PCDHGB5: variants seen among roughly 807,000 people sequenced by gnomAD.
The protein encoded by PCDHGB5 is protocadherin gamma-B5.
In PCDHGB5, 48 loss-of-function variants were observed where a neutral mutation model predicts 62.9. That is an observed-to-expected ratio of 0.76 (90% CI 0.61 to 0.97). The LOEUF is 0.97. Ranked by LOEUF, PCDHGB5 falls within the 50% of genes least tolerant of loss-of-function variation. PCDHGB5 has a pLI of 0.00. For synonymous variants in PCDHGB5, 474 were observed against 511.2 expected, an observed-to-expected ratio of 0.93 and a Z score of 0.98; for missense variants, 1,118 against 1,198.6, an observed-to-expected ratio of 0.93 and a Z score of 0.99.
intron 1 of PCDHGB5, chr5:141,405,552 G>A (rs2094685427): frequency 1.6e-6 from 1 of 623,718 alleles, no homozygotes. Context: ...CCCAAGTAGA[G>A]TAGCTGGGAC....
At chr5:141,427,570 C>A in intron 1 of PCDHGB5, 1 of 662,270 alleles carries the variant, frequency 1.5e-6, no homozygotes, top group Non-Finnish European at 2.8e-6. Flanking sequence ...GGCAAGCCTC[C>A]GCTCTCATCC....
chr5:141,478,246 C>T (rs1305046488), intron 1 of PCDHGB5: 1 of 1,614,100 alleles, frequency 6.2e-7, no homozygotes, highest in Admixed American at 1.7e-5. Context: ...TCACAGTGTT[C>T]GGAGTAATCA....
intron 1 of PCDHGB5, chr5:141,423,967 A>T (rs760284844): frequency 5.2e-6 from 6 of 1,153,616 alleles, no homozygotes; most frequent in Non-Finnish European, 6.5e-6. Context: ...TTTTTCTATT[A>T]TCAGTGTATG....
intron 1 of PCDHGB5, chr5:141,414,817 A>C: frequency 6.2e-7 from 1 of 1,614,214 alleles, no homozygotes; most frequent in Non-Finnish European, 8.5e-7. Context: ...TCCACTCAGC[A>C]GCAACGTGTC....
In PCDHGB5 at chr5:141,398,328, C is replaced by G; in HGVS notation, c.201C>G (p.Arg67=). Residue 67 remains arginine, a synonymous_variant, in exon 1 of 4, where the codon CGC becomes CGG. Coordinates refer to ENST00000617380, the MANE Select transcript of PCDHGB5 (RefSeq NM_018925.3). The stretch of plus-strand genomic sequence containing the variant: ...AGGAGTTACCGACTCGAAAACTGCG[C>G]GTCAGTTCGGAGAAGCCTTACTTCA... The part of the protein sequence containing the change: ...SVQELPTRKL[R]VSSEKPYFTV... The G allele has an allele frequency of 5.2e-6, 7 of 1,353,010 alleles. No homozygotes were observed. Among genetic ancestry groups the G allele is most frequent in the Non-Finnish European group, 7.2e-6 (7 of 976,914 alleles). The allele number at this position is 1,353,010 out of a possible 1,614,324, so 83.8% of individuals were successfully genotyped here.
rs1032814206 is a variant in PCDHGB5, at chr5:141,472,764, T to A, written c.2398-22043T>A. Among the ~76,000 whole-genome samples, 12 of 152,040 alleles carry A rather than the reference T, an allele frequency of 7.9e-5. No individual in the cohort carries two copies. The East Asian group carries it at 2.1e-3, about 27-fold the overall frequency. ...ACTTTGGGAGGCGGAGGCTGGCAGATCACCTGAGGTTGGGAGTTCAAGATC... is the reference window on the plus strand; with the variant it reads ...ACTTTGGGAGGCGGAGGCTGGCAGAACACCTGAGGTTGGGAGTTCAAGATC... On this transcript the variant is annotated intron_variant, in intron 1 of 3. Coordinates refer to ENST00000617380, the MANE Select transcript of PCDHGB5 (RefSeq NM_018925.3).
intron 1 of PCDHGB5, among the ~76,000 whole-genome samples, chr5:141,474,062 C>G (rs745636246): frequency 6.6e-6 from 1 of 152,104 alleles, no homozygotes; most frequent in Non-Finnish European, 1.5e-5. Flanking sequence ...AGAGCGAGAT[C>G]CTGCCTCAGA....
At chr5:141,494,445 A>G (rs1424475551) in intron 1 of PCDHGB5, among the ~76,000 whole-genome samples, 1 of 152,158 alleles carries the variant, frequency 6.6e-6, no homozygotes, top group East Asian at 1.9e-4. Flanking sequence ...TTGCCACTTT[A>G]GGGGGCTTTG....
intron 1 of PCDHGB5, chr5:141,440,652 C>T (rs755275974): frequency 6.6e-6 from 1 of 152,160 alleles, no homozygotes; most frequent in Non-Finnish European, 1.5e-5. Flanking sequence ...AAAATTATCA[C>T]CTTAGCAGCA....
chr5:141,469,511 G>A (rs2099203340), intron 1 of PCDHGB5, among the ~76,000 whole-genome samples: 1 of 152,038 alleles, frequency 6.6e-6, no homozygotes, highest in African/African-American at 2.4e-5. Flanking sequence ...GGAGGTGGAG[G>A]TTGCAGTGAG....
Position 141,423,433 on chromosome 5 carries a change from A to G in PCDHGB5, c.2397+22909A>G, listed in dbSNP as rs746170494. ...GGCTTCTGAAGGCGGGTTGGCAGGT[A>G]TGCCCACGTCACATTTTGTAGGCGT... On this transcript the variant is annotated intron_variant, in intron 1 of 3. Coordinates refer to ENST00000617380, the MANE Select transcript of PCDHGB5 (RefSeq NM_018925.3). 3.1e-6 allele frequency: 5 copies of G among 1,614,010 alleles called. No homozygotes were observed. The East Asian group carries it at 8.9e-5, about 29-fold the overall frequency.
intron 2 of PCDHGB5, among the ~76,000 whole-genome samples, chr5:141,502,905 A>T (rs1364939091): frequency 1.5e-5 from 2 of 131,814 alleles, no homozygotes; most frequent in Non-Finnish European, 3.0e-5. Flanking sequence ...CTCTGTTGCC[A>T]GGCTGGAGTG....
intron 1 of PCDHGB5, among the ~76,000 whole-genome samples, chr5:141,472,136 A>T (rs1172420221): frequency 1.1e-4 from 17 of 152,262 alleles, no homozygotes; most frequent in Non-Finnish European, 2.5e-4. Flanking sequence ...AGTTAAAAAT[A>T]AAAGTTTCAT....
intron 1 of PCDHGB5, among the ~76,000 whole-genome samples, chr5:141,484,597 A>C (rs1345278081): frequency 1.3e-5 from 2 of 152,070 alleles, no homozygotes; most frequent in African/African-American, 4.8e-5. Flanking sequence ...CTCATTTAGA[A>C]TACTGGTTGA....
chr5:141,511,419 G>A lies in PCDHGB5; in HGVS notation c.*246G>A, dbSNP rs1437533706. On this transcript the variant is annotated 3_prime_UTR_variant, in exon 4 of 4. Coordinates refer to ENST00000617380, the MANE Select transcript of PCDHGB5 (RefSeq NM_018925.3). Reference sequence around the variant, plus strand: ...ATCCAATCAACTGCTGTACCCATGGGGGTAGTGGGGTTACTGTAGACACCA... The same window carrying A: ...ATCCAATCAACTGCTGTACCCATGGAGGTAGTGGGGTTACTGTAGACACCA... 1.2e-6 allele frequency: 1 copy of A among 830,454 alleles called. No individual in the cohort carries two copies. The highest frequency in any genetic ancestry group is 1.7e-5 in the African/African-American group (1 of 58,076). 51.4% of individuals were successfully genotyped at this position (830,454 alleles called of 1,614,324 possible).
intron 1 of PCDHGB5, chr5:141,424,442 T>C (rs2096821583): frequency 6.6e-6 from 1 of 152,244 alleles, no homozygotes; most frequent in South Asian, 2.1e-4. Context: ...AATTGAATTA[T>C]TGAACTGGTA....
intron 1 of PCDHGB5, chr5:141,415,400 C>T (rs754292889): frequency 2.5e-6 from 4 of 1,614,228 alleles, no homozygotes; most frequent in South Asian, 1.1e-5. Flanking sequence ...GTGTCCGGCT[C>T]GCACTTTGTG....
intron 2 of PCDHGB5, among the ~76,000 whole-genome samples, chr5:141,496,538 T>G (rs568286018): frequency 1.5e-4 from 23 of 152,266 alleles, no homozygotes; most frequent in African/African-American, 5.5e-4. Flanking sequence ...TGGCAGAGAT[T>G]CCAGCTTCTG....
chr5:141,502,866 C>CTTTT (rs549047197), intron 2 of PCDHGB5, among the ~76,000 whole-genome samples: 3 of 128,028 alleles, frequency 2.3e-5, no homozygotes, highest in African/African-American at 6.2e-5. Flanking sequence ...GACTCTCTGT[C>CTTTT]TTTTTTTTTT....
Sources: allele counts gnomAD v4.1 joint callset (sites outside exome capture counted in the v4.1 genomes callset), GRCh38; gene constraint gnomAD v4.1.1; transcripts MANE v1.5; gene names NCBI Gene and HGNC (gene_info 2026-07-23, HGNC 2026-07-21).